The following GABRG3 variants were observed in gnomAD, a reference collection of about 807,000 sequenced individuals.
GABRG3 encodes the protein gamma-aminobutyric acid receptor subunit gamma-3.
GABRG3 carries 25 observed loss-of-function variants against 48.8 expected under a neutral mutation model. That is an observed-to-expected ratio of 0.51 (90% confidence interval 0.37 to 0.72). The LOEUF is 0.72. Ranked by LOEUF, GABRG3 falls within the 30% of genes least tolerant of loss-of-function variation. The pLI is 0.00. For missense variants in GABRG3, 394 were observed against 577.9 expected, an observed-to-expected ratio of 0.68 and a Z score of 3.26; for synonymous variants, 227 against 217.6, an observed-to-expected ratio of 1.04 and a Z score of -0.38.
intron 3 of GABRG3, among the ~76,000 whole-genome samples, chr15:27,216,770 A>ATTTATTTTTTTT (rs1194749028): frequency 2.2e-5 from 2 of 89,432 alleles, no homozygotes; most frequent in African/African-American, 8.0e-5. Context: ...TTATTTATTT[A>ATTTATTTTTTTT]TTTTTTAATT....
At chr15:27,354,487 A>G (rs1367555241) in intron 5 of GABRG3, among the ~76,000 whole-genome samples, 1 of 152,214 alleles carries the variant, frequency 6.6e-6, no homozygotes. Context: ...CAATCTTAAC[A>G]GTCCAAGTCC....
At chr15:27,223,350 A>G (rs1889510158) in intron 3 of GABRG3, among the ~76,000 whole-genome samples, 1 of 152,200 alleles carries the variant, frequency 6.6e-6, no homozygotes, top group Admixed American at 6.5e-5. Context: ...AAGTATTGCC[A>G]GGGAGGAGGA....
chr15:27,390,084 T>C (rs2140575485), intron 5 of GABRG3, among the ~76,000 whole-genome samples: 1 of 152,378 alleles, frequency 6.6e-6, no homozygotes, highest in Middle Eastern at 3.4e-3. Context: ...AGATGTTTGT[T>C]ATTTGTTTCA....
At chr15:26,972,771 C>G (rs1894870346) in intron 1 of GABRG3, among the ~76,000 whole-genome samples, 1 of 152,286 alleles carries the variant, frequency 6.6e-6, no homozygotes, top group South Asian at 2.1e-4. Flanking sequence ...AGTTCTCACT[C>G]CTGAATTGGG....
At position 27,481,072 on chromosome 15, in the gene GABRG3, C is replaced by G. The variant is rs112269991; in HGVS notation, c.712+285C>G. 2.8e-3 allele frequency: 3,383 copies of G among 1,188,278 alleles called. 82 individuals carry two copies. The African/African-American group carries it at 0.048, about 17-fold the overall frequency. The allele number at this position is 1,188,278 out of a possible 1,614,324, so 73.6% of individuals were successfully genotyped here. A position where few individuals can be genotyped will look rare whatever the true frequency, so the allele number is the denominator to read the frequency against. On this transcript the variant is annotated intron_variant, in intron 6 of 9. Coordinates refer to ENST00000615808, the MANE Select transcript of GABRG3 (RefSeq NM_033223.5). ...TCATTACTGACCATATTTACATAAA[C>G]CAATTTTGCTGATGGGGAGAGTTCT...
At chr15:27,386,765 C>T (rs534200417) in intron 5 of GABRG3, among the ~76,000 whole-genome samples, 26 of 152,232 alleles carry the variant, frequency 1.7e-4, no homozygotes, top group African/African-American at 6.0e-4. Context: ...TGAACAAATC[C>T]TTTTCAATTT....
At chr15:27,264,176 A>G (rs188585698) in intron 3 of GABRG3, among the ~76,000 whole-genome samples, 1 of 152,068 alleles carries the variant, frequency 6.6e-6, no homozygotes, top group Non-Finnish European at 1.5e-5. Flanking sequence ...AACTGGAGAA[A>G]TGGTTAGAGA....
intron 3 of GABRG3, among the ~76,000 whole-genome samples, chr15:27,273,395 G>A (rs1308672570): frequency 6.6e-6 from 1 of 152,190 alleles, no homozygotes; most frequent in African/African-American, 2.4e-5. Flanking sequence ...TCAGTGGAGT[G>A]ACTCTGCTCT....
In GABRG3 at chr15:27,537,555, A is replaced by G. The variant is rs1891575450; in HGVS notation, c.*4674A>G. 6.6e-6 allele frequency: 1 copy of G among 152,230 alleles called. No homozygotes were observed. The highest frequency in any genetic ancestry group is 1.5e-5 in the Non-Finnish European group (1 of 68,034). The allele number at this position is 152,230 out of a possible 1,614,324, so 9.4% of individuals were successfully genotyped here. A position where few individuals can be genotyped will look rare whatever the true frequency, so the allele number is the denominator to read the frequency against. On this transcript the variant is annotated 3_prime_UTR_variant, in exon 10 of 10. Transcript: ENST00000615808. ...TGTTGACTTATGTTTTATTATAAAA[A>G]TAGATCTCTATCATTATAGGGATAA...
chr15:27,271,520 C>A (rs1024303007), intron 3 of GABRG3: 4 of 455,572 alleles, frequency 8.8e-6, no homozygotes, highest in South Asian at 6.2e-5. Context: ...CCCCAGGCCA[C>A]GCCCTTTAGG....
At chr15:27,108,290 A>G (rs1288297812) in intron 3 of GABRG3, among the ~76,000 whole-genome samples, 2 of 151,838 alleles carry the variant, frequency 1.3e-5, no homozygotes, top group East Asian at 3.9e-4. Context: ...TCCTCCTGAG[A>G]CTTTTTCTGT....
intron 5 of GABRG3, among the ~76,000 whole-genome samples, chr15:27,388,066 T>G (rs901823166): frequency 0.024 from 601 of 24,876 alleles, 4 homozygotes; most frequent in Admixed American, 0.034. Flanking sequence ...GGAGGGAGGG[T>G]AAGGAAGGAA....
intron 2 of GABRG3, among the ~76,000 whole-genome samples, chr15:27,007,781 T>G (rs1895615393): frequency 6.6e-6 from 1 of 152,212 alleles, no homozygotes; most frequent in Non-Finnish European, 1.5e-5. Flanking sequence ...GCTGGTTTGT[T>G]TAATTTCCTT....
At chr15:27,037,689 A>G (rs967346557) in intron 3 of GABRG3, among the ~76,000 whole-genome samples, 3 of 152,150 alleles carry the variant, frequency 2.0e-5, no homozygotes, top group African/African-American at 7.2e-5. Context: ...ATGAGGGCAA[A>G]GTTTGGCAGT....
chr15:27,114,209 C>T (rs754813805), intron 3 of GABRG3, among the ~76,000 whole-genome samples: 2 of 152,166 alleles, frequency 1.3e-5, no homozygotes, highest in Non-Finnish European at 2.9e-5. Context: ...TTCAAAGGTC[C>T]CTGGTTTCCT....
chr15:27,309,108 T>G (rs557992155), intron 3 of GABRG3, among the ~76,000 whole-genome samples: 1 of 150,772 alleles, frequency 6.6e-6, no homozygotes, highest in African/African-American at 2.4e-5. Context: ...ACACAGATGT[T>G]TATATAGAAA....
At chr15:27,285,254 GGTGTGT>G (rs60880658) in intron 3 of GABRG3, among the ~76,000 whole-genome samples, 20,931 of 142,386 alleles carry the variant, frequency 0.15, 1,567 homozygotes, top group Non-Finnish European at 0.18. Context: ...TGAGCTTTCA[GGTGTGT>G]GTGTGTGTGT....
intron 3 of GABRG3, among the ~76,000 whole-genome samples, chr15:27,189,739 G>C (rs865940253): frequency 4.6e-5 from 7 of 151,908 alleles, no homozygotes; most frequent in Non-Finnish European, 8.8e-5. Context: ...CCTAATTGCC[G>C]TGGCCAGAAG....
chr15:26,994,612 C>A (rs1026126236), intron 2 of GABRG3, among the ~76,000 whole-genome samples: 1 of 151,946 alleles, frequency 6.6e-6, no homozygotes, highest in Non-Finnish European at 1.5e-5. Context: ...TATTTAAGAG[C>A]AAGAGTGGTT....
Sources: allele counts gnomAD v4.1 joint callset (sites outside exome capture counted in the v4.1 genomes callset), GRCh38; gene constraint gnomAD v4.1.1; transcripts MANE v1.5; gene names NCBI Gene and HGNC (gene_info 2026-07-23, HGNC 2026-07-21).